LRCH1: variants seen among roughly 807,000 people sequenced by gnomAD.
The protein encoded by LRCH1 is leucine rich repeats and calponin homology domain containing 1, also known as leucine-rich repeat and calponin homology domain-containing protein 1.
LRCH1 carries 23 observed loss-of-function variants against 94.9 expected under a neutral mutation model. The observed-to-expected ratio is 0.24, with a 90% CI of 0.17 to 0.34. LRCH1 has a LOEUF of 0.34. Among genes scored for constraint, LRCH1 ranks in the 10% least tolerant of loss-of-function variants. The pLI, the probability that LRCH1 is intolerant of heterozygous loss-of-function variation, is 1.00. For synonymous variants in LRCH1, 364 were observed against 354.9 expected (o/e 1.03, Z -0.29); for missense variants, 790 against 945.9 (o/e 0.84, Z 2.16).
Position 46,735,798 on chromosome 13 carries a change from T to C in LRCH1, c.2085+1800T>C, listed in dbSNP as rs1206813103. ...CCTTTTTTTCTTTTTCTTTTCTTTT[T>C]TTTTTTTTTTTCGAGATGGAGTCCC... On this transcript the variant is annotated intron_variant, in intron 19 of 19. Coordinates refer to ENST00000389797, the MANE Select transcript of LRCH1 (RefSeq NM_001164211.2). Among the ~76,000 whole-genome samples the C allele has an allele frequency of 6.8e-5, 10 of 146,296 alleles. 1 individual carries two copies. The highest frequency in any genetic ancestry group is 6.8e-4 in the Admixed American group (10 of 14,738).
chr13:46,570,359 T>A (rs994634353), intron 1 of LRCH1, among the ~76,000 whole-genome samples: 3 of 152,220 alleles, frequency 2.0e-5, no homozygotes, highest in Admixed American at 6.5e-5. Flanking sequence ...ATGGTTTAGC[T>A]TATTATCTCA....
intron 1 of LRCH1, among the ~76,000 whole-genome samples, chr13:46,616,382 A>G (rs2050808474): frequency 6.6e-6 from 1 of 152,226 alleles, no homozygotes; most frequent in African/African-American, 2.4e-5. Context: ...TTTGTCTGAC[A>G]GATGACTTTT....
chr13:46,559,760 C>T (rs571154403), intron 1 of LRCH1, among the ~76,000 whole-genome samples: 1 of 152,308 alleles, frequency 6.6e-6, no homozygotes, highest in East Asian at 1.9e-4. Flanking sequence ...GATGACTCTA[C>T]TGGAGAGTTT....
chr13:46,573,225 C>A (rs1272175095), intron 1 of LRCH1, among the ~76,000 whole-genome samples: 1 of 152,154 alleles, frequency 6.6e-6, no homozygotes, highest in Non-Finnish European at 1.5e-5. Context: ...ATCCTTGGTT[C>A]CTAGGACAGT....
At chr13:46,701,453 G>T (rs1463144345) in intron 11 of LRCH1, among the ~76,000 whole-genome samples, 1 of 152,118 alleles carries the variant, frequency 6.6e-6, no homozygotes, top group African/African-American at 2.4e-5. Flanking sequence ...CCCTCATGAA[G>T]TTCATATGGG....
In LRCH1 at chr13:46,739,041, G is replaced by A. The variant is rs1294521409; in HGVS notation, c.2086-2601G>A. ...GATATTTTAGATTAAAAAATACTTT[G>A]TAAGCATATTGACTTTTTATATTAA... On this transcript the variant is annotated intron_variant, in intron 19 of 19. Transcript: ENST00000389797. Among the ~76,000 whole-genome samples, 5 of 152,112 alleles carry A rather than the reference G, an allele frequency of 3.3e-5. No individual in the cohort carries two copies. The East Asian group carries it at 7.7e-4, about 23-fold the overall frequency.
intron 1 of LRCH1, among the ~76,000 whole-genome samples, chr13:46,637,237 C>T (rs1350668192): frequency 6.6e-6 from 1 of 152,192 alleles, no homozygotes; most frequent in Non-Finnish European, 1.5e-5. Context: ...CTTGTCACTT[C>T]CACTCTGCCA....
chr13:46,715,522 GC>G lies in LRCH1; in HGVS notation c.1655-37del. 3 of 1,223,814 alleles carry G rather than the reference GC, an allele frequency of 2.5e-6. No individual in the cohort carries two copies. In the South Asian group the frequency reaches 3.9e-5, roughly 16 times the overall value. The allele number at this position is 1,223,814 out of a possible 1,614,324, so 75.8% of individuals were successfully genotyped here. A position where few individuals can be genotyped will look rare whatever the true frequency, so the allele number is the denominator to read the frequency against. ...CCCTTTGGTTTTTCCTGGTCCTTGT[GC>G]AACTGTACGCGGACTGGCTCTCTGG... On this transcript the variant is annotated intron_variant, in intron 15 of 19. Coordinates refer to ENST00000389797, the MANE Select transcript of LRCH1 (RefSeq NM_001164211.2).
chr13:46,662,661 TG>T (rs1333266915), intron 2 of LRCH1, among the ~76,000 whole-genome samples: 1 of 152,162 alleles, frequency 6.6e-6, no homozygotes, highest in Admixed American at 6.5e-5. Flanking sequence ...GAAATCTAAG[TG>T]TAGACATTGG....
chr13:46,574,103 G>A (rs1020399473), intron 1 of LRCH1, among the ~76,000 whole-genome samples: 2 of 151,120 alleles, frequency 1.3e-5, no homozygotes, highest in Admixed American at 6.6e-5. Flanking sequence ...CGCCTGCCTC[G>A]GCCTCCCAAA....
chr13:46,602,157 G>A (rs564072213), intron 1 of LRCH1, among the ~76,000 whole-genome samples: 1 of 152,142 alleles, frequency 6.6e-6, no homozygotes, highest in South Asian at 2.1e-4. Context: ...AAGCCTCAAA[G>A]GTGTCAAGTA....
chr13:46,633,900 A>C (rs921094185), intron 1 of LRCH1, among the ~76,000 whole-genome samples: 4 of 111,884 alleles, frequency 3.6e-5, no homozygotes, highest in Non-Finnish European at 7.0e-5. Context: ...TTTTTTTTTG[A>C]GATGGAGTCT....
intron 18 of LRCH1, among the ~76,000 whole-genome samples, chr13:46,732,914 A>T (rs559928194): frequency 1.3e-5 from 2 of 152,350 alleles, no homozygotes; most frequent in East Asian, 3.9e-4. Flanking sequence ...ATCAAGATGG[A>T]GAATATTTAT....
At chr13:46,667,746 C>T (rs2051538729) in intron 2 of LRCH1, among the ~76,000 whole-genome samples, 1 of 152,092 alleles carries the variant, frequency 6.6e-6, no homozygotes, top group Non-Finnish European at 1.5e-5. Flanking sequence ...ATCCAGGTCA[C>T]ATTTATCATT....
intron 4 of LRCH1, among the ~76,000 whole-genome samples, chr13:46,685,518 A>T (rs1437025564): frequency 6.6e-6 from 1 of 152,232 alleles, no homozygotes; most frequent in Admixed American, 6.5e-5. Context: ...TCTGTAATTA[A>T]CGTATTACTC....
rs184720243 is a variant in LRCH1, at chr13:46,744,855, G to C, written c.*3007G>C. 1 of 983,724 alleles carries C rather than the reference G, an allele frequency of 1.0e-6. No homozygotes were observed. The allele number at this position is 983,724 out of a possible 1,614,324, so 60.9% of individuals were successfully genotyped here. A position where few individuals can be genotyped will look rare whatever the true frequency, so the allele number is the denominator to read the frequency against. On this transcript the variant is annotated 3_prime_UTR_variant, in exon 20 of 20. Transcript: ENST00000389797. ...ACTTGATTTTTAAAAATTAGGCTTCGTATTTCAAAATTAGTTCTCAATAAA... is the reference window on the plus strand; with the variant it reads ...ACTTGATTTTTAAAAATTAGGCTTCCTATTTCAAAATTAGTTCTCAATAAA...
Position 46,742,743 on chromosome 13 carries a change from C to G in LRCH1, c.*895C>G. On this transcript the variant is annotated 3_prime_UTR_variant, in exon 20 of 20. Transcript: ENST00000389797. ...CCGGTCCAGAATGTGACGGATTCGACTCTATTCATTTTCAAATAAAGCCAT... is the reference window on the plus strand; with the variant it reads ...CCGGTCCAGAATGTGACGGATTCGAGTCTATTCATTTTCAAATAAAGCCAT... 1 of 985,460 alleles carries G rather than the reference C, an allele frequency of 1.0e-6. No homozygotes were observed. The highest frequency in any genetic ancestry group is 1.2e-6 in the Non-Finnish European group (1 of 829,934). The allele number at this position is 985,460 out of a possible 1,614,324, so 61.0% of individuals were successfully genotyped here. A position where few individuals can be genotyped will look rare whatever the true frequency, so the allele number is the denominator to read the frequency against.
At chr13:46,556,333 A>G (rs1234441113) in intron 1 of LRCH1, among the ~76,000 whole-genome samples, 1 of 152,266 alleles carries the variant, frequency 6.6e-6, no homozygotes, top group Non-Finnish European at 1.5e-5. Flanking sequence ...CATAGAATAG[A>G]TGTCTAAGCT....
chr13:46,750,235 C>T (rs1317517431), intron 18 of LRCH1, among the ~76,000 whole-genome samples: 1 of 152,152 alleles, frequency 6.6e-6, no homozygotes, highest in Non-Finnish European at 1.5e-5. Flanking sequence ...GGTGTATGCT[C>T]TCTGACTGAC....
Sources: gnomAD v4.1 joint callset for allele counts (sites outside exome capture counted in the v4.1 genomes callset) on GRCh38, gnomAD v4.1.1 for gene constraint, MANE v1.5 for transcripts, NCBI Gene and HGNC (gene_info 2026-07-23, HGNC 2026-07-21) for gene names.